CNTNAP2: variants seen among roughly 807,000 people sequenced by gnomAD.
The protein encoded by CNTNAP2 is contactin-associated protein-like 2.
CNTNAP2 carries 98 observed loss-of-function variants against 155.2 expected under a neutral mutation model. The ratio of observed to expected loss-of-function variants is 0.63; its 90% CI spans 0.54 to 0.75. The LOEUF is 0.75. Ranked by LOEUF, CNTNAP2 falls within the 30% of genes least tolerant of loss-of-function variation. The probability of loss-of-function intolerance (pLI) is 0.00; values close to 1 mark genes in which losing one functional copy is unlikely to be tolerated. For missense variants in CNTNAP2, 1,727 were observed against 1,688.1 expected (o/e 1.02, Z -0.40); for synonymous variants, 651 against 631.2 (o/e 1.03, Z -0.47).
At chr7:146,775,720 A>G (rs1444388190) in intron 2 of CNTNAP2, among the ~76,000 whole-genome samples, 1 of 152,028 alleles carries the variant, frequency 6.6e-6, no homozygotes, top group Non-Finnish European at 1.5e-5. Context: ...CAGAAAAGAA[A>G]GGCATATCAG....
intron 1 of CNTNAP2, among the ~76,000 whole-genome samples, chr7:146,768,885 G>C (rs1355081568): frequency 6.6e-6 from 1 of 152,136 alleles, no homozygotes; most frequent in Non-Finnish European, 1.5e-5. Flanking sequence ...AGATGCATTT[G>C]AAAACCATAC....
intron 21 of CNTNAP2, among the ~76,000 whole-genome samples, chr7:148,270,253 A>G (rs934014769): frequency 2.6e-5 from 4 of 152,246 alleles, no homozygotes; most frequent in Non-Finnish European, 4.4e-5. Context: ...AAAGTGTACC[A>G]TGAGCCTCAG....
chr7:147,743,732 T>C (rs1224203569), intron 13 of CNTNAP2, among the ~76,000 whole-genome samples: 1 of 151,960 alleles, frequency 6.6e-6, no homozygotes, highest in East Asian at 1.9e-4. Flanking sequence ...GACTGACCTC[T>C]CGTGTGTTTT....
chr7:147,025,694 A>G (rs1271097767), intron 3 of CNTNAP2, among the ~76,000 whole-genome samples: 1 of 151,936 alleles, frequency 6.6e-6, no homozygotes, highest in African/African-American at 2.4e-5. Flanking sequence ...AATTATTTCA[A>G]ATTAAAAAAT....
chr7:148,323,496 A>T (rs986437114), intron 21 of CNTNAP2, among the ~76,000 whole-genome samples: 1 of 151,112 alleles, frequency 6.6e-6, no homozygotes, highest in Non-Finnish European at 1.5e-5. Context: ...CTGAACCCGT[A>T]TAGAGTGTCT....
At chr7:146,726,358 TG>T (rs1285742306) in intron 1 of CNTNAP2, among the ~76,000 whole-genome samples, 1 of 152,136 alleles carries the variant, frequency 6.6e-6, no homozygotes, top group Non-Finnish European at 1.5e-5. Flanking sequence ...AAGTAAATAA[TG>T]GGGGTAAATA....
At chr7:147,236,128 G>A (rs893305786) in intron 8 of CNTNAP2, among the ~76,000 whole-genome samples, 12 of 152,070 alleles carry the variant, frequency 7.9e-5, no homozygotes, top group African/African-American at 2.4e-4. Context: ...TCCATGTCTG[G>A]ATACCCTCCA....
At chr7:147,570,756 T>C (rs1332264561) in intron 12 of CNTNAP2, among the ~76,000 whole-genome samples, 1 of 152,166 alleles carries the variant, frequency 6.6e-6, no homozygotes, top group Admixed American at 6.6e-5. Flanking sequence ...ATGTAGTAAA[T>C]AATAAAGCTT....
At chr7:147,751,872 C>T (rs982041892) in intron 13 of CNTNAP2, among the ~76,000 whole-genome samples, 3 of 152,188 alleles carry the variant, frequency 2.0e-5, no homozygotes, top group South Asian at 2.1e-4. Flanking sequence ...AATCCTTACA[C>T]TTGACTGCTG....
chr7:148,211,151 G>T (rs1244517424), intron 18 of CNTNAP2, among the ~76,000 whole-genome samples: 3 of 152,164 alleles, frequency 2.0e-5, no homozygotes, highest in Non-Finnish European at 4.4e-5. Context: ...ATCATTCTGG[G>T]CAATGGAATT....
intron 14 of CNTNAP2, among the ~76,000 whole-genome samples, chr7:147,949,038 C>T (rs531829795): frequency 6.6e-6 from 1 of 151,814 alleles, no homozygotes; most frequent in East Asian, 1.9e-4. Context: ...CCCATCTCTA[C>T]TAAAAATACA....
intron 13 of CNTNAP2, among the ~76,000 whole-genome samples, chr7:147,889,014 T>C (rs955301149): frequency 6.6e-6 from 1 of 152,112 alleles, no homozygotes; most frequent in African/African-American, 2.4e-5. Context: ...ATACCTTATA[T>C]GTAAGGAACA....
chr7:147,354,455 G>A (rs1262799586), intron 9 of CNTNAP2, among the ~76,000 whole-genome samples: 1 of 152,096 alleles, frequency 6.6e-6, no homozygotes, highest in Non-Finnish European at 1.5e-5. Flanking sequence ...TAGATGTGTG[G>A]TGTCATTTCT....
intron 14 of CNTNAP2, among the ~76,000 whole-genome samples, chr7:147,941,654 G>A (rs1199193983): frequency 1.3e-5 from 2 of 152,118 alleles, no homozygotes; most frequent in African/African-American, 4.8e-5. Context: ...CTTCTATTTT[G>A]GTTACAGAAT....
chr7:148,158,222 CT>C (rs1224617335), intron 17 of CNTNAP2, among the ~76,000 whole-genome samples: 2,517 of 94,732 alleles, frequency 0.027, 57 homozygotes, highest in Non-Finnish European at 0.037. Flanking sequence ...AATGTTTGCG[CT>C]TTTTTTTTTT....
intron 3 of CNTNAP2, among the ~76,000 whole-genome samples, chr7:147,005,133 A>G (rs960695705): frequency 2.0e-5 from 3 of 152,026 alleles, no homozygotes; most frequent in Non-Finnish European, 4.4e-5. Flanking sequence ...ATGATCCAAA[A>G]TATATGGTAA....
At chr7:148,180,214 G>T (rs892534111) in intron 18 of CNTNAP2, among the ~76,000 whole-genome samples, 3 of 152,168 alleles carry the variant, frequency 2.0e-5, no homozygotes, top group African/African-American at 7.2e-5. Flanking sequence ...AGTAGGGAGA[G>T]AAACTTTTCA....
chr7:147,027,447 T>G (rs948383701), intron 3 of CNTNAP2, among the ~76,000 whole-genome samples: 1 of 152,232 alleles, frequency 6.6e-6, no homozygotes, highest in Non-Finnish European at 1.5e-5. Context: ...TCAATTATGT[T>G]AATTTGTTGA....
At chr7:147,452,919 GA>G (rs1296739369) in intron 10 of CNTNAP2, among the ~76,000 whole-genome samples, 1 of 140,624 alleles carries the variant, frequency 7.1e-6, no homozygotes, top group Admixed American at 7.5e-5. Flanking sequence ...TGAGAAACTA[GA>G]AAAAATAGAA....
Sources: gnomAD v4.1 joint callset for allele counts (sites outside exome capture counted in the v4.1 genomes callset) on GRCh38, gnomAD v4.1.1 for gene constraint, MANE v1.5 for transcripts, NCBI Gene and HGNC (gene_info 2026-07-23, HGNC 2026-07-21) for gene names.